The following ERC1 variants were observed in gnomAD, a reference collection of about 807,000 sequenced individuals.
The protein encoded by ERC1 is ELKS/RAB6-interacting/CAST family member 1, also known as RAB6 interacting protein 2.
In ERC1, 56 loss-of-function variants were observed where a neutral mutation model predicts 132.0. That is an observed-to-expected ratio of 0.42 (90% CI 0.34 to 0.53). ERC1 has a LOEUF of 0.53. Ranked by LOEUF, ERC1 falls within the 20% of genes least tolerant of loss-of-function variation. The probability of loss-of-function intolerance (pLI) is 0.03; values close to 1 mark genes in which losing one functional copy is unlikely to be tolerated. For missense variants in ERC1, 1,202 were observed against 1,349.9 expected (o/e 0.89, Z 1.72); for synonymous variants, 478 against 476.1 (o/e 1.00, Z -0.05).
At chr12:1,444,974 T>G in intron 18 of ERC1, 1 of 413,280 alleles carries the variant, frequency 2.4e-6, no homozygotes, top group Non-Finnish European at 4.3e-6. Context: ...TTTCCAGATA[T>G]AATTTTTAAA....
chr12:1,119,332 A>G (rs1946804917), intron 7 of ERC1, among the ~76,000 whole-genome samples: 2 of 151,904 alleles, frequency 1.3e-5, no homozygotes, highest in African/African-American at 4.8e-5. Context: ...GGTACAGTAT[A>G]TATGGAATCG....
chr12:1,040,296 C>T (rs894538096), intron 2 of ERC1, among the ~76,000 whole-genome samples: 1 of 151,254 alleles, frequency 6.6e-6, no homozygotes, highest in African/African-American at 2.4e-5. Flanking sequence ...TAAAAATACT[C>T]ATTTTTCTTT....
At chr12:1,115,838 TC>T (rs753694987) in intron 6 of ERC1, 27 bp from the exon 7 acceptor site, 5 of 1,598,018 alleles carry the variant, frequency 3.1e-6, no homozygotes, top group Non-Finnish European at 4.3e-6. Flanking sequence ...ATTTCTTTTT[TC>T]CTTAAAGTGT....
chr12:1,461,701 C>G (rs2093648923), intron 18 of ERC1, among the ~76,000 whole-genome samples: 1 of 152,006 alleles, frequency 6.6e-6, no homozygotes. Context: ...TAAAACTGAG[C>G]CTTTGTAGCA....
chr12:1,044,441 T>C (rs1970765472), intron 2 of ERC1, among the ~76,000 whole-genome samples: 1 of 152,098 alleles, frequency 6.6e-6, no homozygotes, highest in Non-Finnish European at 1.5e-5. Flanking sequence ...TGGGAGAAAA[T>C]CAGTGTTTAC....
intron 16 of ERC1, among the ~76,000 whole-genome samples, chr12:1,406,106 T>G (rs568775645): frequency 3.4e-4 from 51 of 152,228 alleles, no homozygotes; most frequent in Non-Finnish European, 5.9e-4. Flanking sequence ...AGTGCTCTCC[T>G]TGTGTTAATT....
At chr12:1,485,496 T>TGC (rs2094200752) in intron 18 of ERC1, among the ~76,000 whole-genome samples, 2 of 152,056 alleles carry the variant, frequency 1.3e-5, no homozygotes, top group South Asian at 4.1e-4. Flanking sequence ...AGCCACTGCA[T>TGC]CTGGCCATAT....
In ERC1 at chr12:1,196,957, CACACATATATAT is replaced by C. The variant is rs1566214898; in HGVS notation, c.2351+6907_2351+6918del. ...ACACACACACACACACACACACACA[CACACATATATAT>C]ATATATATTTTTTTTTTTTTTTTTT... is the stretch of plus-strand genomic sequence containing the variant. On this transcript the variant is annotated intron_variant, in intron 12 of 18. Transcript: ENST00000360905. Among the ~76,000 whole-genome samples, 3 of 21,540 alleles carry C rather than the reference CACACATATATAT, an allele frequency of 1.4e-4. No homozygotes were observed. In the African/African-American group the frequency reaches 1.4e-3, roughly 10 times the overall value. The allele number at this position is 21,540 out of a possible 152,430, so 14.1% of individuals were successfully genotyped here. A position where few individuals can be genotyped will look rare whatever the true frequency, so the allele number is the denominator to read the frequency against.
At chr12:1,257,387 G>A (rs960963802) in intron 13 of ERC1, 37 of 152,176 alleles carry the variant, frequency 2.4e-4, no homozygotes, top group African/African-American at 8.7e-4. Flanking sequence ...GTTTTCTTAA[G>A]CTGCTAAGTT....
chr12:1,007,336 C>T (rs999407118), intron 1 of ERC1, among the ~76,000 whole-genome samples: 23 of 152,120 alleles, frequency 1.5e-4, no homozygotes, highest in African/African-American at 5.1e-4. Context: ...TAAGAGGAGG[C>T]TATGTGAGGA....
intron 12 of ERC1, among the ~76,000 whole-genome samples, chr12:1,222,224 C>T (rs1594331961): frequency 6.9e-6 from 1 of 145,956 alleles, no homozygotes; most frequent in Non-Finnish European, 1.5e-5. Flanking sequence ...TACATATTCT[C>T]TTTTTTTTTT....
intron 15 of ERC1, among the ~76,000 whole-genome samples, chr12:1,296,406 T>C (rs2079945277): frequency 9.3e-6 from 1 of 107,490 alleles, no homozygotes; most frequent in Admixed American, 9.0e-5. Flanking sequence ...ATAGTCTTTT[T>C]TTTTTTTTTT....
chr12:1,123,847 G>C (rs907097899), intron 7 of ERC1, among the ~76,000 whole-genome samples: 1 of 152,134 alleles, frequency 6.6e-6, no homozygotes, highest in South Asian at 2.1e-4. Flanking sequence ...ATACAAAAAT[G>C]AGCTGGGCGT....
At chr12:1,022,000 T>A (rs1966460006) in intron 1 of ERC1, among the ~76,000 whole-genome samples, 1 of 152,244 alleles carries the variant, frequency 6.6e-6, no homozygotes, top group Non-Finnish European at 1.5e-5. Context: ...TCAACATTAC[T>A]TATGTTTACT....
At position 1,180,922 on chromosome 12, in the gene ERC1, C is replaced by G. The variant is rs189131640; in HGVS notation, c.1875+245C>G. Among the ~76,000 whole-genome samples, 412 of 152,126 alleles carry G rather than the reference C, an allele frequency of 2.7e-3. 1 individual carries two copies. The highest frequency in any genetic ancestry group is 9.5e-3 in the African/African-American group (394 of 41,372). Reference sequence around the variant, plus strand: ...CACCTCCCAGGTTCAAGCGATTCTCCTGCCTCAGCCTCCCGAGTAGCTGAG... The same window carrying G: ...CACCTCCCAGGTTCAAGCGATTCTCGTGCCTCAGCCTCCCGAGTAGCTGAG... On this transcript the variant is annotated intron_variant, in intron 9 of 18. Coordinates refer to ENST00000360905, the MANE Select transcript of ERC1 (RefSeq NM_178040.4).
chr12:1,309,577 A>G (rs1042450159), intron 15 of ERC1, among the ~76,000 whole-genome samples: 4 of 152,166 alleles, frequency 2.6e-5, no homozygotes, highest in African/African-American at 9.7e-5. Flanking sequence ...TCTGACCCCA[A>G]TAAGAAAAGT....
At chr12:1,291,814 A>G (rs1186728216) in intron 15 of ERC1, among the ~76,000 whole-genome samples, 1 of 152,210 alleles carries the variant, frequency 6.6e-6, no homozygotes, top group Non-Finnish European at 1.5e-5. Flanking sequence ...AAAACGGTTC[A>G]CTTGGTAGCC....
At chr12:1,131,536 AC>A (rs1948759771) in intron 7 of ERC1, among the ~76,000 whole-genome samples, 1 of 152,120 alleles carries the variant, frequency 6.6e-6, no homozygotes. Context: ...ATCTTGGCAC[AC>A]TGCAAGCTCC....
intron 18 of ERC1, among the ~76,000 whole-genome samples, chr12:1,483,802 G>C (rs1198642020): frequency 6.8e-6 from 1 of 147,256 alleles, no homozygotes; most frequent in African/African-American, 2.5e-5. Context: ...CTTTTCTTGT[G>C]CCTTAGCCTC....
Sources: allele counts gnomAD v4.1 joint callset (sites outside exome capture counted in the v4.1 genomes callset), GRCh38; gene constraint gnomAD v4.1.1; transcripts MANE v1.5; gene names NCBI Gene and HGNC (gene_info 2026-07-23, HGNC 2026-07-21).